Variants in ANXA4 observed in about 807,000 individuals in gnomAD.
ANXA4 encodes the protein annexin A4.
ANXA4 carries 39 observed loss-of-function variants against 49.8 expected under a neutral mutation model. That is an observed-to-expected ratio of 0.78 (90% CI 0.61 to 1.02). The LOEUF (loss-of-function observed/expected upper bound fraction) is 1.02, where lower values mean the gene tolerates loss of function less well. Ranked by LOEUF, ANXA4 falls within the 50% of genes least tolerant of loss-of-function variation. ANXA4 has a pLI of 0.00. For missense variants in ANXA4, 360 were observed against 410.1 expected (o/e 0.88, Z 1.05); for synonymous variants, 134 against 152.5 (o/e 0.88, Z 0.89).
chr2:69,730,623 C>T (rs1670072485), intron 3 of ANXA4, among the ~76,000 whole-genome samples: 1 of 152,212 alleles, frequency 6.6e-6, no homozygotes, highest in Non-Finnish European at 1.5e-5. Context: ...CAGTATCCAC[C>T]TGGGCCTGCC....
intron 1 of ANXA4, among the ~76,000 whole-genome samples, chr2:69,778,408 G>T (rs1672048489): frequency 6.6e-6 from 1 of 152,162 alleles, no homozygotes; most frequent in African/African-American, 2.4e-5. Flanking sequence ...CTCTACAGTG[G>T]ATATCAATAC....
chr2:69,716,692 G>GC (rs1669650238), intron 2 of ANXA4, among the ~76,000 whole-genome samples: 1 of 152,170 alleles, frequency 6.6e-6, no homozygotes, highest in Non-Finnish European at 1.5e-5. Context: ...TTATGAGGCT[G>GC]CTCCGGGAAT....
At chr2:69,749,325 G>C (rs1209772481) in intron 1 of ANXA4, among the ~76,000 whole-genome samples, 1 of 152,184 alleles carries the variant, frequency 6.6e-6, no homozygotes, top group Admixed American at 6.5e-5. Flanking sequence ...AACTTTGGGA[G>C]AGACAGAGGA....
Position 69,804,518 on chromosome 2 carries a change from C to T in ANXA4, c.98-15C>T. The T allele has an allele frequency of 1.2e-6, 2 of 1,609,032 alleles. No individual in the cohort carries two copies. The highest frequency in any genetic ancestry group is 8.5e-7 in the Non-Finnish European group (1 of 1,175,736). On this transcript the variant is annotated splice_polypyrimidine_tract_variant and intron_variant, in intron 3 of 12. Coordinates refer to ENST00000394295, the MANE Select transcript of ANXA4 (RefSeq NM_001153.5). ...CTCAAATCACACTTACCTGCTGTCT[C>T]CCTTCTTCCCCCAGGCACCGATGAA...
At chr2:69,818,564 T>C in intron 9 of ANXA4, 35 bp from the exon 10 acceptor site, 2 of 1,433,480 alleles carry the variant, frequency 1.4e-6, no homozygotes, top group Non-Finnish European at 1.9e-6. Flanking sequence ...CTCTGTTTTT[T>C]CTTCCCAATA....
intron 2 of ANXA4, among the ~76,000 whole-genome samples, chr2:69,704,547 G>A (rs1249446486): frequency 6.6e-6 from 1 of 152,170 alleles, no homozygotes; most frequent in Non-Finnish European, 1.5e-5. Context: ...CTGGTAGTTG[G>A]TTCTGTGTCA....
chr2:69,712,391 G>A (rs969776990), intron 2 of ANXA4, among the ~76,000 whole-genome samples: 11 of 152,192 alleles, frequency 7.2e-5, no homozygotes, highest in East Asian at 1.9e-4. Flanking sequence ...TATTCACTCC[G>A]AGTCTAAGCA....
intron 2 of ANXA4, among the ~76,000 whole-genome samples, chr2:69,717,914 G>T (rs1446868682): frequency 6.6e-6 from 1 of 152,164 alleles, no homozygotes; most frequent in African/African-American, 2.4e-5. Context: ...TTCAGCAGGG[G>T]TCCTCTAAGT....
intron 1 of ANXA4, among the ~76,000 whole-genome samples, chr2:69,745,525 A>AT (rs992844685): frequency 6.6e-6 from 1 of 151,666 alleles, no homozygotes; most frequent in Non-Finnish European, 1.5e-5. Flanking sequence ...ACTATGCTTT[A>AT]TTTTTTTTAT....
chr2:69,763,781 G>A (rs1161915551), intron 1 of ANXA4, among the ~76,000 whole-genome samples: 1 of 151,332 alleles, frequency 6.6e-6, no homozygotes, highest in Non-Finnish European at 1.5e-5. Context: ...TCCTGTCTCA[G>A]CCTCCTGAGT....
intron 2 of ANXA4, among the ~76,000 whole-genome samples, chr2:69,673,127 A>G (rs1029430612): frequency 2.0e-5 from 3 of 152,216 alleles, no homozygotes; most frequent in African/African-American, 7.2e-5. Flanking sequence ...AGGATCCAGA[A>G]CGAAAAATAC....
At chr2:69,739,101 A>G (rs1180358142), upstream of ANXA4, among the ~76,000 whole-genome samples, 2 of 152,206 alleles carry the variant, frequency 1.3e-5, no homozygotes, top group Non-Finnish European at 2.9e-5. Context: ...GACCGTGGCC[A>G]CTGTGCAGTG....
At position 69,826,553 on chromosome 2, in the gene ANXA4, G is replaced by A. The variant is rs1177738368; in HGVS notation, c.*1038G>A. On this transcript the variant is annotated 3_prime_UTR_variant, in exon 13 of 13. Coordinates refer to ENST00000394295, the MANE Select transcript of ANXA4 (RefSeq NM_001153.5). Reference sequence around the variant, plus strand: ...TAATCCCAACACTTTGGGAGGCCAAGGCGGGTGGATCACCTAAGGTCAGGA... The same window carrying A: ...TAATCCCAACACTTTGGGAGGCCAAAGCGGGTGGATCACCTAAGGTCAGGA... 1.3e-5 allele frequency: 2 copies of A among 152,216 alleles called. No individual in the cohort carries two copies. The highest frequency in any genetic ancestry group is 3.8e-4 in the East Asian group (2 of 5,202). The allele number at this position is 152,216 out of a possible 1,614,324, so 9.4% of individuals were successfully genotyped here.
In ANXA4 at chr2:69,818,592, T is replaced by C. The variant is rs759773473; in HGVS notation, c.629-7T>C. ...TCCCAATAATACTATTTTGTTATTG[T>C]CTGCAGTGTTTGATGAATACAAAAG... On this transcript the variant is annotated splice_polypyrimidine_tract_variant and splice_region_variant and intron_variant, in intron 9 of 12. Coordinates refer to ENST00000394295, the MANE Select transcript of ANXA4 (RefSeq NM_001153.5). The C allele has an allele frequency of 8.3e-6, 13 of 1,567,186 alleles. No homozygotes were observed. In the South Asian group the frequency reaches 9.5e-5, roughly 11 times the overall value.
chr2:69,648,243 A>G (rs982079042), intron 1 of ANXA4, among the ~76,000 whole-genome samples: 3 of 152,238 alleles, frequency 2.0e-5, no homozygotes, highest in African/African-American at 4.8e-5. Flanking sequence ...AGAGTCTGTC[A>G]ACTATTTCTA....
intron 1 of ANXA4, among the ~76,000 whole-genome samples, chr2:69,777,623 A>G (rs1322667315): frequency 6.6e-6 from 1 of 152,146 alleles, no homozygotes; most frequent in Non-Finnish European, 1.5e-5. Context: ...TCTTCATCTC[A>G]TGCCACTCTT....
At chr2:69,644,198 C>T (rs1675907558), upstream of ANXA4, among the ~76,000 whole-genome samples, 1 of 136,624 alleles carries the variant, frequency 7.3e-6, no homozygotes, top group African/African-American at 2.7e-5. Flanking sequence ...ATGTTCCACC[C>T]TTCTGGAGCC....
intron 1 of ANXA4, among the ~76,000 whole-genome samples, chr2:69,764,047 A>G (rs1297993088): frequency 2.0e-5 from 3 of 152,146 alleles, no homozygotes; most frequent in Non-Finnish European, 4.4e-5. Flanking sequence ...TTACTGGCCA[A>G]CCTTGGAATT....
At chr2:69,647,335 C>T (rs1676042934) in intron 1 of ANXA4, among the ~76,000 whole-genome samples, 1 of 150,678 alleles carries the variant, frequency 6.6e-6, no homozygotes, top group African/African-American at 2.4e-5. Flanking sequence ...CTTCCATATG[C>T]CAGTTATGGA....
Sources: gnomAD v4.1 joint callset for allele counts (sites outside exome capture counted in the v4.1 genomes callset) on GRCh38, gnomAD v4.1.1 for gene constraint, MANE v1.5 for transcripts, NCBI Gene and HGNC (gene_info 2026-07-23, HGNC 2026-07-21) for gene names.